The following LDB2 variants were observed in gnomAD, a reference collection of about 807,000 sequenced individuals.
LDB2 encodes LIM domain binding 2.
In LDB2, 12 loss-of-function variants were observed where a neutral mutation model predicts 44.3. The observed-to-expected ratio is 0.27, with a 90% CI of 0.17 to 0.44. The LOEUF is 0.44. Among genes scored for constraint, LDB2 ranks in the 20% least tolerant of loss-of-function variants. The pLI is 1.00. For synonymous variants in LDB2, 164 were observed against 174.8 expected (o/e 0.94, Z 0.49); for missense variants, 344 against 473.5 (o/e 0.73, Z 2.54).
intron 7 of LDB2, chr4:16,505,707 C>T (rs1719138536): frequency 2.8e-6 from 2 of 708,794 alleles, no homozygotes; most frequent in African/African-American, 1.8e-5. Context: ...AACAGCGAGC[C>T]ATCTGAGAGA....
chr4:16,791,556 GAAA>G (rs67578284), intron 1 of LDB2, among the ~76,000 whole-genome samples: 1 of 58,998 alleles, frequency 1.7e-5, no homozygotes, highest in Non-Finnish European at 3.2e-5. Flanking sequence ...CTCTGGCTCA[GAAA>G]AAAAAAAAAA....
At chr4:16,892,992 A>G in intron 1 of LDB2, 3 of 553,540 alleles carry the variant, frequency 5.4e-6, no homozygotes, top group Non-Finnish European at 6.9e-6. Context: ...AGCAATTTTT[A>G]ATTAAAAACA....
rs963979699 is a variant in LDB2 at position 16,636,003 on chromosome 4, T to C, written c.236-40128A>G. 7.2e-5 allele frequency among the ~76,000 whole-genome samples: 11 copies of C among 152,028 alleles called. No homozygotes were observed. In the South Asian group the frequency reaches 2.3e-3, roughly 32 times the overall value. On this transcript the variant is annotated intron_variant, in intron 2 of 7. Coordinates refer to ENST00000304523, the MANE Select transcript of LDB2 (RefSeq NM_001290.5). ...ACGAGTGGAGGCTCTCACTGAGAAG[T>C]GGCCAATAGAGATTGATTATATAAG... is the stretch of plus-strand genomic sequence containing the variant.
At chr4:16,869,507 C>T (rs1035747934) in intron 1 of LDB2, among the ~76,000 whole-genome samples, 3 of 152,034 alleles carry the variant, frequency 2.0e-5, no homozygotes, top group African/African-American at 7.2e-5. Context: ...TCATCTAATT[C>T]CAGTAACACC....
chr4:16,614,792 C>A (rs533779565), intron 2 of LDB2, among the ~76,000 whole-genome samples: 2 of 151,736 alleles, frequency 1.3e-5, no homozygotes, highest in African/African-American at 2.4e-5. Context: ...AAGAAACGGC[C>A]GGGCGCGGTG....
intron 1 of LDB2, among the ~76,000 whole-genome samples, chr4:16,827,698 G>A (rs1014791813): frequency 1.3e-5 from 2 of 152,154 alleles, no homozygotes; most frequent in African/African-American, 4.8e-5. Context: ...TGCCAGAACT[G>A]CAAGATCAAC....
At chr4:16,866,894 C>T (rs966075854) in intron 1 of LDB2, among the ~76,000 whole-genome samples, 15 of 152,206 alleles carry the variant, frequency 9.9e-5, no homozygotes, top group Admixed American at 3.3e-4. Flanking sequence ...ATCCCACACG[C>T]TTTTCTTACA....
intron 1 of LDB2, among the ~76,000 whole-genome samples, chr4:16,863,411 TCTTTA>T (rs1416516529): frequency 6.6e-6 from 1 of 152,170 alleles, no homozygotes; most frequent in African/African-American, 2.4e-5. Context: ...AATTTGTATT[TCTTTA>T]CTTATCACCT....
At chr4:16,728,051 G>A (rs1180423061) in intron 2 of LDB2, among the ~76,000 whole-genome samples, 1 of 152,098 alleles carries the variant, frequency 6.6e-6, no homozygotes, top group East Asian at 1.9e-4. Flanking sequence ...TTACTATGGG[G>A]GAACTGGAGG....
intron 5 of LDB2, among the ~76,000 whole-genome samples, chr4:16,577,147 GTCTTT>G (rs1202663879): frequency 2.6e-5 from 4 of 152,060 alleles, no homozygotes; most frequent in African/African-American, 7.2e-5. Flanking sequence ...AAAAGTTTTA[GTCTTT>G]TCTTTAAGAT....
At chr4:16,853,557 A>C (rs1788713204) in intron 1 of LDB2, among the ~76,000 whole-genome samples, 1 of 152,204 alleles carries the variant, frequency 6.6e-6, no homozygotes. Context: ...CCATTACGGA[A>C]AACAGGATGG....
intron 1 of LDB2, among the ~76,000 whole-genome samples, chr4:16,785,882 T>G (rs1774308541): frequency 6.6e-6 from 1 of 152,178 alleles, no homozygotes; most frequent in African/African-American, 2.4e-5. Flanking sequence ...AAAACTCTTA[T>G]GACCCTCAAA....
intron 1 of LDB2, chr4:16,888,836 C>G (rs929643523): frequency 2.0e-6 from 1 of 503,260 alleles, no homozygotes; most frequent in Non-Finnish European, 2.6e-6. Flanking sequence ...AATTGAGGCT[C>G]AGAAAATTTA....
chr4:16,798,752 T>G (rs530251440), intron 1 of LDB2, among the ~76,000 whole-genome samples: 3 of 152,278 alleles, frequency 2.0e-5, no homozygotes, highest in Non-Finnish European at 2.9e-5. Context: ...TTTTCTTTCT[T>G]TGGCTCTAGC....
intron 1 of LDB2, among the ~76,000 whole-genome samples, chr4:16,812,582 T>TTATATATATATATATATATATATATA (rs6148319): frequency 5.2e-5 from 6 of 115,560 alleles, no homozygotes; most frequent in East Asian, 4.6e-4. Context: ...ATCAATGAAA[T>TTATATATATATATATATATATATATA]TATATATATA....
At chr4:16,636,407 G>A (rs546747652) in intron 2 of LDB2, among the ~76,000 whole-genome samples, 34 of 152,336 alleles carry the variant, frequency 2.2e-4, no homozygotes, top group African/African-American at 7.9e-4. Flanking sequence ...GAGCTGCAAA[G>A]ATGACACCTA....
intron 2 of LDB2, among the ~76,000 whole-genome samples, chr4:16,674,044 C>T (rs1420416093): frequency 1.3e-5 from 2 of 151,914 alleles, no homozygotes; most frequent in Admixed American, 6.5e-5. Flanking sequence ...ATTTGTATAT[C>T]GCCTTAGTGT....
intron 2 of LDB2, among the ~76,000 whole-genome samples, chr4:16,675,270 T>C (rs1745987985): frequency 6.6e-6 from 1 of 152,182 alleles, no homozygotes; most frequent in African/African-American, 2.4e-5. Context: ...TTTCACCAGT[T>C]TTCTGTCCAC....
At chr4:16,854,002 G>A (rs933106482) in intron 1 of LDB2, among the ~76,000 whole-genome samples, 1 of 152,114 alleles carries the variant, frequency 6.6e-6, no homozygotes, top group African/African-American at 2.4e-5. Flanking sequence ...GAGGAAATGG[G>A]AAGAGGTAGA....
Sources: gnomAD v4.1 joint callset for allele counts (sites outside exome capture counted in the v4.1 genomes callset) on GRCh38, gnomAD v4.1.1 for gene constraint, MANE v1.5 for transcripts, NCBI Gene and HGNC (gene_info 2026-07-23, HGNC 2026-07-21) for gene names.